Variants in EBNA1BP2 observed in about 807,000 individuals in gnomAD.
EBNA1BP2 encodes EBNA1 binding protein 2.
Under a neutral mutation model 43.5 loss-of-function variants are expected in EBNA1BP2, and 36 were observed. The observed-to-expected ratio is 0.83, with a 90% confidence interval of 0.63 to 1.09. The LOEUF is 1.09. EBNA1BP2 is among the 50% of genes least tolerant of loss of function. EBNA1BP2 has a pLI of 0.00. For synonymous variants in EBNA1BP2, 127 were observed against 141.3 expected, an observed-to-expected ratio of 0.90 and a Z score of 0.72; for missense variants, 332 against 379.1, an observed-to-expected ratio of 0.88 and a Z score of 1.03.
chr1:43,167,318 T>C (rs1331612878), intron 5 of EBNA1BP2, 83 bp from the exon 6 acceptor site: 8 of 1,296,522 alleles, frequency 6.2e-6, no homozygotes, highest in Non-Finnish European at 7.8e-6. Flanking sequence ...AACACCATGA[T>C]TAATACCACT....
Position 43,170,639 on chromosome 1 carries a change from T to C in EBNA1BP2, c.447+117A>G. The C allele has an allele frequency of 2.1e-6, 3 of 1,430,496 alleles. No homozygotes were observed. The Admixed American group carries it at 7.2e-5, about 35-fold the overall frequency. The allele number at this position is 1,430,496 out of a possible 1,614,324, so 88.6% of individuals were successfully genotyped here. On this transcript the variant is annotated intron_variant, in intron 4 of 8. Coordinates refer to ENST00000236051, the MANE Select transcript of EBNA1BP2 (RefSeq NM_006824.3). ...AGTAGCCAATCTATGGAAGAGGTAA[T>C]AATTGTCCTCTGACAACTGGCTCCC...
At chr1:43,172,419 C>G, upstream of EBNA1BP2, 1 of 1,551,306 alleles carries the variant, frequency 6.4e-7, no homozygotes, top group Non-Finnish European at 8.7e-7. Context: ...CCTCTGGATA[C>G]ATGCGTGGTC....
At chr1:43,170,007 A>G (rs1289942198) in intron 4 of EBNA1BP2, among the ~76,000 whole-genome samples, 1 of 152,180 alleles carries the variant, frequency 6.6e-6, no homozygotes, top group Non-Finnish European at 1.5e-5. Context: ...CCCCAAGTTC[A>G]TGAAAAAATT....
At chr1:43,168,384 CA>C (rs1398055796) in intron 5 of EBNA1BP2, among the ~76,000 whole-genome samples, 1 of 152,110 alleles carries the variant, frequency 6.6e-6, no homozygotes, top group African/African-American at 2.4e-5. Flanking sequence ...AAAGGAAAAC[CA>C]AGAAAAGTTT....
At chr1:43,171,078 A>T in intron 3 of EBNA1BP2, 199 bp from the exon 4 acceptor site, 4 of 704,290 alleles carry the variant, frequency 5.7e-6, no homozygotes, top group Non-Finnish European at 8.3e-6. Flanking sequence ...TAAAAAGGGG[A>T]GGGGTGTTGC....
In EBNA1BP2 at chr1:43,171,686, A is replaced by G. The variant is rs1348902205; in HGVS notation, c.151-35T>C. ...CCAGACACTGAGCTCACAAGAAGGG[A>G]ACTCTGAGTTTGTCTTTCCCAAGCA... On this transcript the variant is annotated intron_variant, in intron 2 of 8. Transcript: ENST00000236051. 4 of 1,604,782 alleles carry G rather than the reference A, an allele frequency of 2.5e-6. No individual in the cohort carries two copies. In the African/African-American group the frequency reaches 4.0e-5, roughly 16 times the overall value.
upstream of EBNA1BP2, chr1:43,172,356 A>T (rs1340174372): frequency 7.7e-6 from 12 of 1,551,396 alleles, no homozygotes; most frequent in South Asian, 1.4e-4. Context: ...TGCTATAGGA[A>T]CCGCTACGGC....
intron 5 of EBNA1BP2, among the ~76,000 whole-genome samples, chr1:43,167,571 T>C (rs928980151): frequency 2.0e-5 from 3 of 152,278 alleles, no homozygotes; most frequent in African/African-American, 7.2e-5. Context: ...CACCCTATTA[T>C]ACAATCCTGC....
intron 4 of EBNA1BP2, among the ~76,000 whole-genome samples, chr1:43,169,302 A>C (rs1031453865): frequency 3.3e-5 from 5 of 152,174 alleles, no homozygotes; most frequent in Non-Finnish European, 7.3e-5. Flanking sequence ...AAAGAAGACA[A>C]ACTTCTCCCC....
intron 2 of EBNA1BP2, 22 bp downstream of exon 2, chr1:43,171,864 C>T: frequency 6.2e-7 from 1 of 1,612,844 alleles, no homozygotes; most frequent in African/African-American, 1.3e-5. Context: ...CCGAGTACCC[C>T]CGACCCTGTG....
At chr1:43,169,748 A>G (rs1644942895) in intron 4 of EBNA1BP2, among the ~76,000 whole-genome samples, 2 of 152,098 alleles carry the variant, frequency 1.3e-5, no homozygotes, top group African/African-American at 4.8e-5. Flanking sequence ...CTACGAACCC[A>G]CTATGAATCT....
At chr1:43,171,233 T>A (rs1440826531) in intron 3 of EBNA1BP2, 2 of 515,582 alleles carry the variant, frequency 3.9e-6, no homozygotes, top group African/African-American at 2.0e-5. Flanking sequence ...TCCTAATAAC[T>A]GAAGCATGCA....
In EBNA1BP2 at chr1:43,171,911, C is replaced by T. The variant is rs373547977; in HGVS notation, c.125G>A (p.Gly42Glu). The T allele has an allele frequency of 3.7e-6, 6 of 1,614,010 alleles. No individual in the cohort carries two copies. Among genetic ancestry groups the T allele is most frequent in the Non-Finnish European group, 5.1e-6 (6 of 1,179,992 alleles). ...CACGTCGTTCACGGCCTTCTTCGGC[C>T]CCTCTAGCACGACATTGAGGCCTGG... Reference protein sequence around the residue: ...LKPGLNVVLEGPKKAVNDVNG... With the variant: ...LKPGLNVVLEEPKKAVNDVNG... The change falls in exon 2 of 9, where the codon GGG becomes GAG. Residue 42 changes from glycine to glutamate, a missense_variant. By Grantham distance (98) the Gly-to-Glu change is moderately conservative. Coordinates refer to ENST00000236051, the MANE Select transcript of EBNA1BP2 (RefSeq NM_006824.3).
intron 4 of EBNA1BP2, 115 bp from the exon 5 acceptor site, chr1:43,169,143 A>T: frequency 8.9e-7 from 1 of 1,118,960 alleles, no homozygotes; most frequent in Non-Finnish European, 1.3e-6. Context: ...GAACTTATAA[A>T]TCATCAGTTC....
In EBNA1BP2 at chr1:43,167,244, T is replaced by C; in HGVS notation, c.538-9A>G. Reference sequence around the variant, plus strand: ...AGAACCTCCGTTTGCACCTGTGATATGAACACAAGGACCGTTACAGCCATT... The same window carrying C: ...AGAACCTCCGTTTGCACCTGTGATACGAACACAAGGACCGTTACAGCCATT... On this transcript the variant is annotated splice_polypyrimidine_tract_variant and intron_variant, in intron 5 of 8. Transcript: ENST00000236051. The C allele has an allele frequency of 6.2e-7, 1 of 1,614,024 alleles. No individual in the cohort carries two copies. The highest frequency in any genetic ancestry group is 1.1e-5 in the South Asian group (1 of 91,082).
Position 43,170,882 on chromosome 1 carries a change from G to C in EBNA1BP2, c.324-3C>G. 3 of 1,565,612 alleles carry C rather than the reference G, an allele frequency of 1.9e-6. No homozygotes were observed. The highest frequency in any genetic ancestry group is 2.6e-6 in the Non-Finnish European group (3 of 1,162,344). ...CTGCGGCCTGGGCTTGGCGATAGCT[G>C]AGAATCGTAGGACAAAATGTGTAAT... On this transcript the variant is annotated splice_polypyrimidine_tract_variant and splice_region_variant and intron_variant, in intron 3 of 8. Coordinates refer to ENST00000236051, the MANE Select transcript of EBNA1BP2 (RefSeq NM_006824.3).
At chr1:43,172,352 A>G, upstream of EBNA1BP2, 1 of 1,551,614 alleles carries the variant, frequency 6.4e-7, no homozygotes, top group Non-Finnish European at 8.7e-7. Flanking sequence ...TCGTTGCTAT[A>G]GGAACCGCTA....
intron 2 of EBNA1BP2, 69 bp from the exon 3 acceptor site, chr1:43,171,720 T>C (rs1175794955): frequency 2.5e-6 from 4 of 1,586,506 alleles, no homozygotes; most frequent in Non-Finnish European, 3.4e-6. Flanking sequence ...CACAGGCTGT[T>C]AGGCGAAGGG....
At chr1:43,169,553 G>T (rs944265825) in intron 4 of EBNA1BP2, among the ~76,000 whole-genome samples, 2 of 152,038 alleles carry the variant, frequency 1.3e-5, no homozygotes, top group Non-Finnish European at 2.9e-5. Flanking sequence ...AGACCCCAGG[G>T]TACTATTTAA....
Sources: gnomAD v4.1 joint callset for allele counts (sites outside exome capture counted in the v4.1 genomes callset) on GRCh38, gnomAD v4.1.1 for gene constraint, MANE v1.5 for transcripts, NCBI Gene and HGNC (gene_info 2026-07-23, HGNC 2026-07-21) for gene names.